Variants in LRRC9 observed in about 807,000 individuals in gnomAD.
The protein encoded by LRRC9 is leucine-rich repeat-containing protein 9.
In LRRC9, 122 loss-of-function variants were observed where a neutral mutation model predicts 63.2. The observed-to-expected ratio is 1.93, with a 90% CI of 1.67 to 2.24. The LOEUF (loss-of-function observed/expected upper bound fraction) is 2.24. LRRC9 is among the 30% of genes most tolerant of loss of function. The probability of loss-of-function intolerance (pLI) is 0.00; values close to 1 mark genes in which losing one functional copy is unlikely to be tolerated. For missense variants in LRRC9, 1,071 were observed against 627.7 expected (o/e 1.71, Z -7.55); for synonymous variants, 366 against 213.1 (o/e 1.72, Z -6.25).
downstream of LRRC9, among the ~76,000 whole-genome samples, chr14:60,066,743 T>A (rs951441395): frequency 3.3e-5 from 5 of 152,232 alleles, no homozygotes; most frequent in African/African-American, 1.2e-4. Flanking sequence ...GTTTTTACTT[T>A]ACAAATATGT....
At chr14:60,000,134 A>T (rs1238547444) in intron 19 of LRRC9, among the ~76,000 whole-genome samples, 1 of 152,118 alleles carries the variant, frequency 6.6e-6, no homozygotes, top group Non-Finnish European at 1.5e-5. Flanking sequence ...GAAATCATGT[A>T]CTTCACAGCA....
intron 23 of LRRC9, among the ~76,000 whole-genome samples, chr14:60,010,882 C>G (rs1890207320): frequency 6.6e-6 from 1 of 152,174 alleles, no homozygotes; most frequent in South Asian, 2.1e-4. Context: ...ACCTTATTGT[C>G]TATATCACTA....
rs990241815 is a variant in LRRC9 at position 59,936,647 on chromosome 14, C to T, written c.544-1743C>T. 2.0e-5 allele frequency among the ~76,000 whole-genome samples: 3 copies of T among 152,168 alleles called. No homozygotes were observed. Among genetic ancestry groups the T allele is most frequent in the Non-Finnish European group, 4.4e-5 (3 of 68,032 alleles). On this transcript the variant is annotated intron_variant, in intron 6 of 31. Transcript: ENST00000445360. The surrounding 1 kb of genome is among the most constrained non-coding windows in gnomAD (Gnocchi z 4.2). ...TAATCAAGTGGTTTACCTTCTTGCC[C>T]CTGCAGAATTTGACCAAATAATTCT...
chr14:59,981,385 TC>T (rs1325427158), intron 15 of LRRC9, among the ~76,000 whole-genome samples: 27 of 152,316 alleles, frequency 1.8e-4, no homozygotes, highest in Non-Finnish European at 2.6e-4. Context: ...TGGCTCTTGC[TC>T]ATTCATCCAC....
At chr14:60,064,760 T>G (rs1277488679), downstream of LRRC9, among the ~76,000 whole-genome samples, 2 of 152,206 alleles carry the variant, frequency 1.3e-5, no homozygotes, top group African/African-American at 2.4e-5. Context: ...TCTTCACTAT[T>G]TATTACTAAA....
intron 8 of LRRC9, among the ~76,000 whole-genome samples, chr14:59,956,068 C>A (rs774532283): frequency 6.6e-6 from 1 of 151,992 alleles, no homozygotes; most frequent in African/African-American, 2.4e-5. Flanking sequence ...ATTATGTGGT[C>A]GATTTTAGAA....
intron 17 of LRRC9, among the ~76,000 whole-genome samples, chr14:59,987,350 C>T (rs1030789285): frequency 4.0e-5 from 6 of 148,320 alleles, no homozygotes; most frequent in Non-Finnish European, 8.9e-5. Context: ...TTTGTAACAA[C>T]TTGTTGTCAT....
At chr14:60,032,216 A>G (rs1036110471) in intron 29 of LRRC9, 153 bp downstream of exon 29, 2 of 562,654 alleles carry the variant, frequency 3.6e-6, no homozygotes, top group African/African-American at 3.8e-5. Context: ...CCAACTAATT[A>G]CAGTGCAAAC....
chr14:60,008,641 T>G (rs1304976271), intron 23 of LRRC9, among the ~76,000 whole-genome samples: 2 of 152,134 alleles, frequency 1.3e-5, no homozygotes, highest in African/African-American at 4.8e-5. Context: ...CATTACTAAG[T>G]AAGCTGTAAA....
intron 12 of LRRC9, among the ~76,000 whole-genome samples, chr14:59,972,210 C>T (rs535624573): frequency 1.3e-5 from 2 of 152,154 alleles, no homozygotes; most frequent in East Asian, 1.9e-4. Flanking sequence ...CCTTTAAGTC[C>T]CAACTCAAGG....
intron 14 of LRRC9, among the ~76,000 whole-genome samples, chr14:59,977,568 T>TTG (rs150262478): frequency 0.33 from 47,935 of 144,418 alleles, 8,378 homozygotes; most frequent in Non-Finnish European, 0.41. Context: ...AATTATGTAT[T>TTG]TGTGTGTGTG....
chr14:60,006,699 C>A, intron 22 of LRRC9, 82 bp downstream of exon 22: 1 of 523,260 alleles, frequency 1.9e-6, no homozygotes. Flanking sequence ...GTTTATTGCA[C>A]AGAATTTGGA....
chr14:59,961,577 C>T (rs750956959), intron 10 of LRRC9, among the ~76,000 whole-genome samples: 1 of 151,988 alleles, frequency 6.6e-6, no homozygotes, highest in Admixed American at 6.6e-5. Flanking sequence ...AGGGTGCACA[C>T]GAACACTACA....
At chr14:59,982,902 T>C (rs1467680621) in intron 16 of LRRC9, among the ~76,000 whole-genome samples, 1 of 152,228 alleles carries the variant, frequency 6.6e-6, no homozygotes, top group East Asian at 1.9e-4. Flanking sequence ...TAAAGGCAGA[T>C]AAGTTTTAAA....
exon 26 of LRRC9, chr14:60,019,229 T>C: frequency 1.4e-6 from 1 of 697,982 alleles, no homozygotes; most frequent in Non-Finnish European, 2.6e-6. Context: ...TTCAAGTGGC[T>C]ATGGACAGCA....
intron 27 of LRRC9, among the ~76,000 whole-genome samples, chr14:60,023,282 G>A (rs1013764600): frequency 6.6e-6 from 1 of 151,964 alleles, no homozygotes; most frequent in South Asian, 2.1e-4. Context: ...GATGTACTGG[G>A]CCAAAGATGA....
chr14:60,054,018 A>T, intron 30 of LRRC9: 1 of 414,740 alleles, frequency 2.4e-6, no homozygotes, highest in Non-Finnish European at 4.7e-6. Flanking sequence ...TGAATCTTTG[A>T]TGTAAGTGAA....
At chr14:59,940,064 A>C (rs1594827950) in intron 7 of LRRC9, among the ~76,000 whole-genome samples, 1 of 151,980 alleles carries the variant, frequency 6.6e-6, no homozygotes, top group East Asian at 1.9e-4. Flanking sequence ...GAAAAGGAGA[A>C]CTAAGAGAGG....
intron 10 of LRRC9, among the ~76,000 whole-genome samples, chr14:59,963,902 T>C (rs1311408661): frequency 5.9e-5 from 9 of 152,204 alleles, no homozygotes. Flanking sequence ...TACATTAAGC[T>C]TCAAACATTT....
Sources: allele counts gnomAD v4.1 joint callset (sites outside exome capture counted in the v4.1 genomes callset), GRCh38; gene constraint gnomAD v4.1.1; non-coding constraint Gnocchi (gnomAD v3.1); transcripts MANE v1.5; gene names NCBI Gene and HGNC (gene_info 2026-07-23, HGNC 2026-07-21).